The following ARHGAP35 variants were observed in gnomAD, a reference collection of about 807,000 sequenced individuals.
The protein encoded by ARHGAP35 is Rho GTPase activating protein 35, also known as rho GTPase-activating protein 35.
In ARHGAP35, 15 loss-of-function variants were observed where a neutral mutation model predicts 111.1. The ratio of observed to expected loss-of-function variants is 0.13; its 90% CI spans 0.09 to 0.21. The LOEUF (loss-of-function observed/expected upper bound fraction) is 0.21. ARHGAP35 is among the 10% of genes least tolerant of loss of function. The probability of loss-of-function intolerance (pLI) is 1.00; values close to 1 mark genes in which losing one functional copy is unlikely to be tolerated. For synonymous variants in ARHGAP35, 643 were observed against 710.3 expected, an observed-to-expected ratio of 0.91 and a Z score of 1.51; for missense variants, 1,262 against 1,873.0, an observed-to-expected ratio of 0.67 and a Z score of 6.02.
chr19:46,864,129 G>A (rs1363000182), intron 1 of ARHGAP35, among the ~76,000 whole-genome samples: 1 of 152,232 alleles, frequency 6.6e-6, no homozygotes, highest in Non-Finnish European at 1.5e-5. Flanking sequence ...TGAGTGACCT[G>A]ATTGGGTAGA....
rs535453330 is a variant in ARHGAP35, at chr19:46,866,092, C to T, written c.-189+4883C>T. Among the ~76,000 whole-genome samples, 10 of 152,244 alleles carry T rather than the reference C, an allele frequency of 6.6e-5. No homozygotes were observed. In the South Asian group the frequency reaches 2.1e-3, roughly 32 times the overall value. On this transcript the variant is annotated intron_variant, in intron 1 of 6. Coordinates refer to ENST00000672722, the MANE Select transcript of ARHGAP35 (RefSeq NM_004491.5). ...CTGACCTCAAGTGATCCACCTGCCT[C>T]GGCCTCCCAAAATGCAGAGATTACA... is the stretch of plus-strand genomic sequence containing the variant.
intron 1 of ARHGAP35, among the ~76,000 whole-genome samples, chr19:46,896,734 A>T (rs76505653): frequency 0.012 from 1,876 of 152,210 alleles, 80 homozygotes; most frequent in East Asian, 0.12. Context: ...CTGTTTTCTC[A>T]TCTGTAAAAT....
chr19:46,932,619 C>T (rs751417908), intron 2 of ARHGAP35, among the ~76,000 whole-genome samples: 1 of 152,192 alleles, frequency 6.6e-6, no homozygotes, highest in Non-Finnish European at 1.5e-5. Context: ...TCTTGGCATG[C>T]ACCCCAAACC....
intron 3 of ARHGAP35, among the ~76,000 whole-genome samples, chr19:46,962,903 G>A (rs765065766): frequency 1.3e-5 from 2 of 152,112 alleles, no homozygotes; most frequent in African/African-American, 2.4e-5. Flanking sequence ...GAGCCACTGC[G>A]CCCGGCCTCA....
chr19:46,999,132 G>A lies in ARHGAP35; in HGVS notation c.4037-172G>A. ...AGAGGTGGGCCAGACCCCTGGGCCA[G>A]TGCCACTGCCAGGTGTGCCAGCCTT... On this transcript the variant is annotated intron_variant, in intron 5 of 6. Transcript: ENST00000672722. This position sits in a 1 kb window ranked among gnomAD's most constrained non-coding sequence, Gnocchi z 5.4. The A allele has an allele frequency of 5.0e-6, 3 of 600,238 alleles. No individual in the cohort carries two copies. The South Asian group carries it at 6.2e-5, about 12-fold the overall frequency. The allele number at this position is 600,238 out of a possible 1,614,324, so 37.2% of individuals were successfully genotyped here.
chr19:46,975,092 G>A (rs778118926), intron 3 of ARHGAP35, among the ~76,000 whole-genome samples: 2 of 152,004 alleles, frequency 1.3e-5, no homozygotes, highest in Non-Finnish European at 2.9e-5. Flanking sequence ...GACTGGTCTC[G>A]AACTCCTGAC....
intron 1 of ARHGAP35, among the ~76,000 whole-genome samples, chr19:46,873,489 T>A (rs2055898858): frequency 6.6e-6 from 1 of 151,480 alleles, no homozygotes. Flanking sequence ...AAAAAAAAAA[T>A]TAGCCCAGGC....
intron 3 of ARHGAP35, among the ~76,000 whole-genome samples, chr19:46,972,968 C>A (rs1288815088): frequency 1.3e-5 from 2 of 152,184 alleles, no homozygotes; most frequent in Admixed American, 1.3e-4. Context: ...AGTATTCAAC[C>A]CTGTTCCCCT....
chr19:46,996,163 G>A (rs1384340313), intron 5 of ARHGAP35, among the ~76,000 whole-genome samples: 1 of 152,192 alleles, frequency 6.6e-6, no homozygotes, highest in East Asian at 1.9e-4. Context: ...GAGCACAGTG[G>A]CACGATCTTG....
At chr19:46,976,272 T>A (rs2056579484) in intron 3 of ARHGAP35, among the ~76,000 whole-genome samples, 1 of 150,366 alleles carries the variant, frequency 6.7e-6, no homozygotes, top group African/African-American at 2.5e-5. Flanking sequence ...TGCTTGCTTA[T>A]AAGTTAAGCA....
intron 1 of ARHGAP35, among the ~76,000 whole-genome samples, chr19:46,869,732 A>C (rs988043674): frequency 6.6e-6 from 1 of 152,204 alleles, no homozygotes; most frequent in East Asian, 1.9e-4. Context: ...GCATTAATAC[A>C]AGATTATTAG....
At chr19:46,871,339 A>G (rs1209238281) in intron 1 of ARHGAP35, among the ~76,000 whole-genome samples, 1 of 152,088 alleles carries the variant, frequency 6.6e-6, no homozygotes, top group African/African-American at 2.4e-5. Context: ...TAGTTTAGCA[A>G]TGTTTTATTT....
rs899299759 is a variant in ARHGAP35, at chr19:46,911,256, C to T, written c.-188-7232C>T. Among the ~76,000 whole-genome samples the T allele has an allele frequency of 3.3e-5, 5 of 152,186 alleles. No homozygotes were observed. The South Asian group carries it at 1.0e-3, about 31-fold the overall frequency. On this transcript the variant is annotated intron_variant, in intron 1 of 6. Coordinates refer to ENST00000672722, the MANE Select transcript of ARHGAP35 (RefSeq NM_004491.5). Reference sequence around the variant, plus strand: ...CTGCCTGATGCCTTTCCCACTTACTCCAGATTGAATGGTTTTTCTTTCTCT... The same window carrying T: ...CTGCCTGATGCCTTTCCCACTTACTTCAGATTGAATGGTTTTTCTTTCTCT...
intron 1 of ARHGAP35, among the ~76,000 whole-genome samples, chr19:46,902,384 T>C (rs1363081408): frequency 1.3e-5 from 2 of 152,168 alleles, no homozygotes; most frequent in Non-Finnish European, 2.9e-5. Context: ...ATATAAAACT[T>C]TGTGACTCCA....
intron 1 of ARHGAP35, among the ~76,000 whole-genome samples, chr19:46,917,653 T>C (rs1021005770): frequency 6.6e-6 from 1 of 152,172 alleles, no homozygotes; most frequent in Non-Finnish European, 1.5e-5. Flanking sequence ...ATATTGTATG[T>C]ATATATCACA....
intron 1 of ARHGAP35, among the ~76,000 whole-genome samples, chr19:46,911,959 A>G (rs1354412621): frequency 6.6e-6 from 1 of 152,184 alleles, no homozygotes; most frequent in Non-Finnish European, 1.5e-5. Context: ...ATTTATTAAT[A>G]TGAAAATGGA....
At chr19:46,913,496 C>T (rs1211055939) in intron 1 of ARHGAP35, among the ~76,000 whole-genome samples, 1 of 152,126 alleles carries the variant, frequency 6.6e-6, no homozygotes, top group South Asian at 2.1e-4. Context: ...AGTTGCGGCA[C>T]TCTGGTGGGG....
chr19:46,923,970 C>T (rs114980572), intron 2 of ARHGAP35, among the ~76,000 whole-genome samples: 1 of 151,554 alleles, frequency 6.6e-6, no homozygotes, highest in African/African-American at 2.4e-5. Flanking sequence ...TATAAATACT[C>T]TTTATTTTTT....
Position 46,988,252 on chromosome 19 carries a change from T to C in ARHGAP35, c.3904+186T>C, listed in dbSNP as rs1041124792. On this transcript the variant is annotated intron_variant, in intron 4 of 6. Transcript: ENST00000672722. This position sits in a 1 kb window ranked among gnomAD's most constrained non-coding sequence, Gnocchi z 5.4. ...GGAGGAGGGGACCGGGTCCTGTCAGTGAACCGAAGCACCATCCCTGCCCAA... is the reference window on the plus strand; with the variant it reads ...GGAGGAGGGGACCGGGTCCTGTCAGCGAACCGAAGCACCATCCCTGCCCAA... 1.7e-6 allele frequency: 1 copy of C among 587,784 alleles called. No homozygotes were observed. The highest frequency in any genetic ancestry group is 2.7e-5 in the Admixed American group (1 of 36,544). 36.4% of individuals were successfully genotyped at this position (587,784 alleles called of 1,614,324 possible). A position where few individuals can be genotyped will look rare whatever the true frequency, so the allele number is the denominator to read the frequency against.
Sources: allele counts gnomAD v4.1 joint callset (sites outside exome capture counted in the v4.1 genomes callset), GRCh38; gene constraint gnomAD v4.1.1; non-coding constraint Gnocchi (gnomAD v3.1); transcripts MANE v1.5; gene names NCBI Gene and HGNC (gene_info 2026-07-23, HGNC 2026-07-21).